The following PRRC2C variants were observed in gnomAD, a reference collection of about 807,000 sequenced individuals.
The protein encoded by PRRC2C is protein PRRC2C.
PRRC2C carries 72 observed loss-of-function variants against 317.2 expected under a neutral mutation model. The ratio of observed to expected loss-of-function variants is 0.23; its 90% CI spans 0.19 to 0.28. The LOEUF is 0.28. Ranked by LOEUF, PRRC2C falls within the 10% of genes least tolerant of loss-of-function variation. PRRC2C has a pLI of 1.00. For missense variants in PRRC2C, 3,074 were observed against 3,459.7 expected, an observed-to-expected ratio of 0.89 and a Z score of 2.80; for synonymous variants, 1,296 against 1,205.9, an observed-to-expected ratio of 1.07 and a Z score of -1.55.
At chr1:171,582,800 G>A (rs1275691689) in intron 28 of PRRC2C, among the ~76,000 whole-genome samples, 2 of 150,434 alleles carry the variant, frequency 1.3e-5, no homozygotes, top group East Asian at 3.9e-4. Flanking sequence ...AGTGGCGAGT[G>A]ATATTACTGT....
At chr1:171,566,913 A>G in intron 22 of PRRC2C, 70 bp downstream of exon 22, 1 of 1,491,450 alleles carries the variant, frequency 6.7e-7, no homozygotes, top group Non-Finnish European at 8.9e-7. Flanking sequence ...GAAGAACAGC[A>G]ACAGTCTGCT....
intron 19 of PRRC2C, among the ~76,000 whole-genome samples, chr1:171,560,567 T>C (rs1027883581): frequency 6.6e-5 from 10 of 152,204 alleles, no homozygotes; most frequent in African/African-American, 2.4e-4. Context: ...CCTAGTCAGT[T>C]AGCAGCCATC....
intron 18 of PRRC2C, among the ~76,000 whole-genome samples, chr1:171,553,971 T>C (rs963544957): frequency 3.3e-4 from 50 of 152,204 alleles, no homozygotes; most frequent in Admixed American, 3.3e-3. Context: ...GTTCTGTAGA[T>C]GTCTATTAGG....
chr1:171,535,424 G>A lies in PRRC2C; in HGVS notation c.1874-4G>A. Reference sequence around the variant, plus strand: ...CTATTACCTTTCACCTTTTCTTTGAGCAGAGGAGGAACCCGTTTTCACTAG... The same window carrying A: ...CTATTACCTTTCACCTTTTCTTTGAACAGAGGAGGAACCCGTTTTCACTAG... On this transcript the variant is annotated splice_polypyrimidine_tract_variant and splice_region_variant and intron_variant, in intron 12 of 34. Coordinates refer to ENST00000647382, the MANE Select transcript of PRRC2C (RefSeq NM_001387844.1). The A allele has an allele frequency of 6.2e-7, 1 of 1,610,668 alleles. No homozygotes were observed. Among genetic ancestry groups the A allele is most frequent in the Non-Finnish European group, 8.5e-7 (1 of 1,178,786 alleles).
chr1:171,501,533 T>C (rs1053662157), intron 1 of PRRC2C, among the ~76,000 whole-genome samples: 2 of 152,178 alleles, frequency 1.3e-5, no homozygotes, highest in African/African-American at 4.8e-5. Flanking sequence ...ATAATGATTT[T>C]CTCTTCCTTA....
intron 20 of PRRC2C, among the ~76,000 whole-genome samples, chr1:171,565,900 A>G (rs1683559375): frequency 1.3e-5 from 2 of 152,086 alleles, no homozygotes; most frequent in Admixed American, 1.3e-4. Flanking sequence ...CAGTGTATTC[A>G]TCTGTTTGTT....
At chr1:171,552,159 T>C (rs1007892813) in intron 18 of PRRC2C, among the ~76,000 whole-genome samples, 2 of 152,122 alleles carry the variant, frequency 1.3e-5, no homozygotes, top group African/African-American at 4.8e-5. Flanking sequence ...TTCTAGTTCT[T>C]CTTGAAGAGG....
chr1:171,552,168 G>A (rs1352049500), intron 18 of PRRC2C, among the ~76,000 whole-genome samples: 1 of 152,130 alleles, frequency 6.6e-6, no homozygotes, highest in Non-Finnish European at 1.5e-5. Flanking sequence ...TTCTTGAAGA[G>A]GTCCTTCACA....
At chr1:171,562,013 C>T (rs1161358914) in intron 20 of PRRC2C, among the ~76,000 whole-genome samples, 2 of 152,102 alleles carry the variant, frequency 1.3e-5, no homozygotes, top group Non-Finnish European at 2.9e-5. Flanking sequence ...AATAAAAAAA[C>T]ATCGTGATCA....
At chr1:171,583,376 G>GC (rs57171374) in intron 28 of PRRC2C, among the ~76,000 whole-genome samples, 152,275 of 152,278 alleles carry the variant, frequency 1, 76,136 homozygotes, top group Middle Eastern at 1. Context: ...ATTAGGCTAG[G>GC]CTACGCAGGG....
intron 28 of PRRC2C, among the ~76,000 whole-genome samples, chr1:171,582,758 AC>A (rs1163471949): frequency 6.6e-6 from 1 of 151,990 alleles, no homozygotes; most frequent in Non-Finnish European, 1.5e-5. Context: ...AGCTTGCAGG[AC>A]TGGCAGTTGC....
intron 1 of PRRC2C, among the ~76,000 whole-genome samples, chr1:171,491,072 G>A (rs1479510518): frequency 2.0e-5 from 3 of 152,080 alleles, no homozygotes; most frequent in Non-Finnish European, 4.4e-5. Flanking sequence ...ATCAAGACAT[G>A]AGTCTTGACC....
At chr1:171,529,422 A>G (rs536044660) in intron 11 of PRRC2C, among the ~76,000 whole-genome samples, 1 of 152,204 alleles carries the variant, frequency 6.6e-6, no homozygotes, top group Non-Finnish European at 1.5e-5. Context: ...GCATACCCAC[A>G]GTGCTGCTTC....
chr1:171,493,864 A>C (rs1174473641), intron 1 of PRRC2C, among the ~76,000 whole-genome samples: 1 of 152,220 alleles, frequency 6.6e-6, no homozygotes, highest in Non-Finnish European at 1.5e-5. Context: ...TTAGTTTTGC[A>C]AATATTGATT....
At chr1:171,570,228 G>A (rs1684517485) in intron 23 of PRRC2C, among the ~76,000 whole-genome samples, 1 of 152,138 alleles carries the variant, frequency 6.6e-6, no homozygotes, top group East Asian at 1.9e-4. Flanking sequence ...AAAAATTTAG[G>A]ACCTCTTGAG....
intron 23 of PRRC2C, among the ~76,000 whole-genome samples, chr1:171,569,736 A>G (rs1037210294): frequency 6.6e-6 from 1 of 151,116 alleles, no homozygotes; most frequent in Non-Finnish European, 1.5e-5. Context: ...TAAGATCTCA[A>G]TAAAGTTTAA....
intron 16 of PRRC2C, among the ~76,000 whole-genome samples, chr1:171,543,135 C>CA (rs1422197947): frequency 1.3e-5 from 2 of 150,202 alleles, no homozygotes; most frequent in Non-Finnish European, 3.0e-5. Flanking sequence ...TTTGGGAGGC[C>CA]AAGTTGGGCG....
At position 171,524,323 on chromosome 1, in the gene PRRC2C, G is replaced by A. The variant is rs151279304; in HGVS notation, c.1056-498G>A. ...ATGGGTTATATATCATAAAAGTTGG[G>A]CTTTTAAAATATATGGAAGTTTGGA... On this transcript the variant is annotated intron_variant, in intron 9 of 34. Coordinates refer to ENST00000647382, the MANE Select transcript of PRRC2C (RefSeq NM_001387844.1). 7.2e-5 allele frequency among the ~76,000 whole-genome samples: 11 copies of A among 152,132 alleles called. 1 individual carries two copies. In the East Asian group the frequency reaches 1.9e-3, roughly 27 times the overall value.
At chr1:171,532,084 C>T (rs2102421906) in intron 11 of PRRC2C, among the ~76,000 whole-genome samples, 1 of 152,302 alleles carries the variant, frequency 6.6e-6, no homozygotes, top group Admixed American at 6.5e-5. Context: ...TCAGCAAATA[C>T]TGAATGAGCA....
Sources: allele counts gnomAD v4.1 joint callset (sites outside exome capture counted in the v4.1 genomes callset), GRCh38; gene constraint gnomAD v4.1.1; transcripts MANE v1.5; gene names NCBI Gene and HGNC (gene_info 2026-07-23, HGNC 2026-07-21).